Variants in NEGR1 observed in about 807,000 individuals in gnomAD.
NEGR1 encodes the protein neuronal growth regulator 1, also known as IgLON family member 4.
NEGR1 carries 10 observed loss-of-function variants against 40.9 expected under a neutral mutation model. That is an observed-to-expected ratio of 0.24 (90% CI 0.15 to 0.42). The LOEUF (loss-of-function observed/expected upper bound fraction) is 0.42. NEGR1 is among the 10% of genes least tolerant of loss of function. The probability of loss-of-function intolerance (pLI) is 1.00; values close to 1 mark genes in which losing one functional copy is unlikely to be tolerated. For missense variants in NEGR1, 352 were observed against 438.9 expected (o/e 0.80, Z 1.77); for synonymous variants, 185 against 166.8 (o/e 1.11, Z -0.84).
chr1:72,185,722 T>A (rs551940647), intron 1 of NEGR1, among the ~76,000 whole-genome samples: 1 of 152,010 alleles, frequency 6.6e-6, no homozygotes, highest in Admixed American at 6.6e-5. Context: ...AAAAGCAGTG[T>A]CTTGTGGAAA....
intron 2 of NEGR1, among the ~76,000 whole-genome samples, chr1:71,779,728 C>T (rs1656634384): frequency 6.6e-6 from 1 of 151,870 alleles, no homozygotes; most frequent in African/African-American, 2.4e-5. Flanking sequence ...CCACTGCGCC[C>T]AGCTAATTTT....
At chr1:72,229,346 A>G (rs1292383496) in intron 1 of NEGR1, among the ~76,000 whole-genome samples, 2 of 148,590 alleles carry the variant, frequency 1.3e-5, no homozygotes, top group African/African-American at 4.9e-5. Flanking sequence ...AATATAATAT[A>G]ATATTTAAGA....
At chr1:71,700,000 C>T (rs1653629458) in intron 3 of NEGR1, among the ~76,000 whole-genome samples, 1 of 151,762 alleles carries the variant, frequency 6.6e-6, no homozygotes, top group Admixed American at 6.6e-5. Context: ...CCTCTTTTTC[C>T]TCTCAGTCTC....
chr1:71,781,039 C>T (rs890507261), intron 2 of NEGR1, among the ~76,000 whole-genome samples: 15 of 152,090 alleles, frequency 9.9e-5, no homozygotes, highest in African/African-American at 2.9e-4. Context: ...TGTGAGTGCA[C>T]GGCATTATTT....
chr1:71,659,710 C>G (rs764821821), intron 4 of NEGR1, among the ~76,000 whole-genome samples: 3 of 152,052 alleles, frequency 2.0e-5, no homozygotes, highest in Non-Finnish European at 4.4e-5. Context: ...ATGTGGCAAA[C>G]AAGCATATGG....
intron 6 of NEGR1, among the ~76,000 whole-genome samples, chr1:71,534,238 A>T (rs12129849): frequency 0.032 from 4,857 of 151,830 alleles, 121 homozygotes; most frequent in Non-Finnish European, 0.047. Context: ...GGCAATGACC[A>T]ATTCCAGTTA....
chr1:71,744,712 T>G (rs1292574850), intron 3 of NEGR1, among the ~76,000 whole-genome samples: 3 of 152,158 alleles, frequency 2.0e-5, no homozygotes, highest in Non-Finnish European at 4.4e-5. Flanking sequence ...CTTCCTAGTT[T>G]GAGAGGTTTT....
chr1:71,657,837 T>C (rs1180695629), intron 4 of NEGR1, among the ~76,000 whole-genome samples: 4 of 152,172 alleles, frequency 2.6e-5, no homozygotes, highest in Non-Finnish European at 4.4e-5. Flanking sequence ...AGAAAAGAAA[T>C]GTTTTCAAAA....
At chr1:71,535,667 T>C (rs1647489509) in intron 6 of NEGR1, among the ~76,000 whole-genome samples, 1 of 151,488 alleles carries the variant, frequency 6.6e-6, no homozygotes, top group Non-Finnish European at 1.5e-5. Flanking sequence ...CAGGGCTAGA[T>C]GAGGATGAAG....
At chr1:71,878,898 A>T (rs1660506136) in intron 2 of NEGR1, among the ~76,000 whole-genome samples, 1 of 152,342 alleles carries the variant, frequency 6.6e-6, no homozygotes, top group Non-Finnish European at 1.5e-5. Flanking sequence ...TATGAGATGT[A>T]GATCACAAAG....
At chr1:71,455,331 CT>C (rs1410049289) in intron 6 of NEGR1, among the ~76,000 whole-genome samples, 1 of 152,180 alleles carries the variant, frequency 6.6e-6, no homozygotes, top group Non-Finnish European at 1.5e-5. Flanking sequence ...GACTGAATGA[CT>C]GAATGAATGA....
chr1:72,266,110 T>C (rs575981013), intron 1 of NEGR1, among the ~76,000 whole-genome samples: 11 of 150,892 alleles, frequency 7.3e-5, no homozygotes, highest in Admixed American at 2.7e-4. Flanking sequence ...TAACATTTTC[T>C]GGGAGTATGG....
intron 6 of NEGR1, among the ~76,000 whole-genome samples, chr1:71,451,791 A>G (rs1240400267): frequency 6.6e-6 from 1 of 152,246 alleles, no homozygotes; most frequent in Non-Finnish European, 1.5e-5. Flanking sequence ...GGATATTTTA[A>G]ATCTGACTAG....
In NEGR1 at chr1:72,088,792, CTCTCT is replaced by C. The variant is rs1557520534; in HGVS notation, c.177-153486_177-153482del. Among the ~76,000 whole-genome samples, 16 of 124,160 alleles carry C rather than the reference CTCTCT, an allele frequency of 1.3e-4. 1 individual carries two copies. Among genetic ancestry groups the C allele is most frequent in the East Asian group, 5.1e-4 (2 of 3,946 alleles). 81.5% of individuals were successfully genotyped at this position (124,160 alleles called of 152,430 possible). The stretch of plus-strand genomic sequence containing the variant: ...AACAATGTATAATGTAGTTCTCTCT[CTCTCT>C]TTTTTTTTTTTTTTTTTTTTTTTTT... On this transcript the variant is annotated intron_variant, in intron 1 of 6. Coordinates refer to ENST00000357731, the MANE Select transcript of NEGR1 (RefSeq NM_173808.3).
At chr1:71,696,579 C>T (rs758503287) in intron 4 of NEGR1, among the ~76,000 whole-genome samples, 1 of 151,766 alleles carries the variant, frequency 6.6e-6, no homozygotes, top group Admixed American at 6.6e-5. Flanking sequence ...GCCCTCAACC[C>T]TCCAACAATA....
chr1:71,542,779 A>G (rs1449731873), intron 6 of NEGR1, among the ~76,000 whole-genome samples: 1 of 151,692 alleles, frequency 6.6e-6, no homozygotes, highest in Non-Finnish European at 1.5e-5. Flanking sequence ...TCCTATGATA[A>G]CCTTTGCTCC....
chr1:72,174,746 T>C (rs1376578426), intron 1 of NEGR1, among the ~76,000 whole-genome samples: 1 of 151,666 alleles, frequency 6.6e-6, no homozygotes, highest in Non-Finnish European at 1.5e-5. Flanking sequence ...GGAAGTTATT[T>C]CTTATAAAAT....
chr1:72,087,487 G>A (rs1648269488), intron 1 of NEGR1, among the ~76,000 whole-genome samples: 1 of 151,242 alleles, frequency 6.6e-6, no homozygotes, highest in Non-Finnish European at 1.5e-5. Context: ...CAAAACTATA[G>A]GCAGGATGCA....
rs146991372 is a variant in NEGR1 at position 71,733,464 on chromosome 1, A to G, written c.536-35325T>C. 3.6e-3 allele frequency among the ~76,000 whole-genome samples: 545 copies of G among 152,318 alleles called. 2 individuals are homozygous for G. The highest frequency in any genetic ancestry group is 5.6e-3 in the Non-Finnish European group (380 of 68,036). ...TTGTAACTGAAGTTTACTCTGTTCC[A>G]AATATTCTCTTATTTGCCATCATGC... On this transcript the variant is annotated intron_variant, in intron 3 of 6. Coordinates refer to ENST00000357731, the MANE Select transcript of NEGR1 (RefSeq NM_173808.3).
Sources: gnomAD v4.1 joint callset for allele counts (sites outside exome capture counted in the v4.1 genomes callset) on GRCh38, gnomAD v4.1.1 for gene constraint, MANE v1.5 for transcripts, NCBI Gene and HGNC (gene_info 2026-07-23, HGNC 2026-07-21) for gene names.